PAPSS1: variants seen among roughly 807,000 people sequenced by gnomAD.
The protein encoded by PAPSS1 is 3'-phosphoadenosine 5'-phosphosulfate synthase 1.
PAPSS1 carries 50 observed loss-of-function variants against 72.0 expected under a neutral mutation model. That is an observed-to-expected ratio of 0.69 (90% CI 0.55 to 0.88). PAPSS1 has a LOEUF of 0.88. PAPSS1 is among the 40% of genes least tolerant of loss of function. PAPSS1 has a pLI of 0.00. For synonymous variants in PAPSS1, 261 were observed against 263.6 expected (o/e 0.99, Z 0.09); for missense variants, 657 against 782.2 (o/e 0.84, Z 1.91).
At chr4:107,614,541 A>G (rs1213585335) in intron 11 of PAPSS1, among the ~76,000 whole-genome samples, 154 bp from the exon 12 acceptor site, 1 of 100,772 alleles carries the variant, frequency 9.9e-6, no homozygotes, top group Non-Finnish European at 2.3e-5. Flanking sequence ...CAAATTTGTC[A>G]CTGAACAAAA....
At chr4:107,703,398 C>T (rs1723254857) in intron 1 of PAPSS1, among the ~76,000 whole-genome samples, 1 of 122,236 alleles carries the variant, frequency 8.2e-6, no homozygotes, top group African/African-American at 2.9e-5. Context: ...GTTGCTTGTA[C>T]TTTTGGAGTC....
intron 11 of PAPSS1, among the ~76,000 whole-genome samples, chr4:107,626,983 TG>T (rs977079135): frequency 3.9e-5 from 6 of 152,218 alleles, no homozygotes; most frequent in Non-Finnish European, 7.3e-5. Context: ...AATTCATCTT[TG>T]GAAAATCTTA....
chr4:107,719,918 G>A (rs1281144188), intron 1 of PAPSS1: 2 of 1,370,208 alleles, frequency 1.5e-6, no homozygotes, highest in South Asian at 1.7e-5. Flanking sequence ...GCCAAGCTAG[G>A]GCGAGATCCC....
At chr4:107,705,928 T>C (rs1350010614) in intron 1 of PAPSS1, among the ~76,000 whole-genome samples, 1 of 152,208 alleles carries the variant, frequency 6.6e-6, no homozygotes, top group African/African-American at 2.4e-5. Context: ...CATTGTTGAA[T>C]ACAGTATTCT....
At chr4:107,636,715 A>C (rs1273967373) in intron 10 of PAPSS1, among the ~76,000 whole-genome samples, 8 of 152,222 alleles carry the variant, frequency 5.3e-5, no homozygotes. Flanking sequence ...CAGGAGGACC[A>C]AATTCAAATA....
chr4:107,701,104 C>T (rs1319574719), intron 2 of PAPSS1, 67 bp downstream of exon 2: 31 of 919,466 alleles, frequency 3.4e-5, no homozygotes, highest in African/African-American at 4.9e-5. Flanking sequence ...AATATGCTTA[C>T]GCCTAGTCCA....
At chr4:107,626,303 A>G (rs1726096162) in intron 11 of PAPSS1, among the ~76,000 whole-genome samples, 1 of 152,216 alleles carries the variant, frequency 6.6e-6, no homozygotes, top group Non-Finnish European at 1.5e-5. Flanking sequence ...CATTTCCACA[A>G]GGCACTCTCA....
chr4:107,680,164 G>A (rs1727766174), intron 5 of PAPSS1, among the ~76,000 whole-genome samples: 2 of 151,922 alleles, frequency 1.3e-5, no homozygotes, highest in South Asian at 4.1e-4. Flanking sequence ...TAATGGCCAA[G>A]AATTTTCAAA....
intron 10 of PAPSS1, among the ~76,000 whole-genome samples, chr4:107,641,672 T>C (rs1170779791): frequency 2.6e-5 from 4 of 152,164 alleles, no homozygotes. Flanking sequence ...ATAAAATAGG[T>C]ACTTTCAATT....
chr4:107,658,151 G>A (rs1560574879), intron 6 of PAPSS1, among the ~76,000 whole-genome samples: 2 of 151,782 alleles, frequency 1.3e-5, no homozygotes, highest in Non-Finnish European at 2.9e-5. Flanking sequence ...GAAAATACTG[G>A]CTGAGGTCAC....
At chr4:107,638,276 A>G (rs896834542) in intron 10 of PAPSS1, among the ~76,000 whole-genome samples, 5 of 152,208 alleles carry the variant, frequency 3.3e-5, no homozygotes, top group Non-Finnish European at 5.9e-5. Flanking sequence ...AACATACCTT[A>G]CAAAAACTCT....
chr4:107,701,539 G>GA (rs1723205930), intron 1 of PAPSS1, among the ~76,000 whole-genome samples: 1 of 151,992 alleles, frequency 6.6e-6, no homozygotes, highest in Non-Finnish European at 1.5e-5. Flanking sequence ...TTTTAAATCT[G>GA]AAAAATGGTA....
intron 5 of PAPSS1, among the ~76,000 whole-genome samples, chr4:107,679,224 A>G (rs1279548340): frequency 6.6e-6 from 1 of 152,088 alleles, no homozygotes; most frequent in Non-Finnish European, 1.5e-5. Context: ...CCAAGTGATA[A>G]GCCACAGCAG....
At chr4:107,631,578 G>A (rs1726225008) in intron 11 of PAPSS1, 53 bp downstream of exon 11, 1 of 1,247,254 alleles carries the variant, frequency 8.0e-7, no homozygotes, top group Non-Finnish European at 1.2e-6. Flanking sequence ...ATCCCTGGGA[G>A]CAGCTAGACC....
At chr4:107,703,759 G>T (rs1723266983) in intron 1 of PAPSS1, among the ~76,000 whole-genome samples, 1 of 152,160 alleles carries the variant, frequency 6.6e-6, no homozygotes, top group South Asian at 2.1e-4. Flanking sequence ...TAGCTTCAGA[G>T]TGTGTTTTAA....
chr4:107,676,272 T>A (rs1222142253), intron 5 of PAPSS1, among the ~76,000 whole-genome samples: 1 of 152,184 alleles, frequency 6.6e-6, no homozygotes. Context: ...CATGATTGTA[T>A]ATCTAGAAAA....
intron 9 of PAPSS1, among the ~76,000 whole-genome samples, chr4:107,651,281 T>C (rs1726832630): frequency 6.6e-6 from 1 of 152,328 alleles, no homozygotes; most frequent in South Asian, 2.1e-4. Context: ...GGGTGGCCCA[T>C]CTGAGGCCTC....
intron 1 of PAPSS1, among the ~76,000 whole-genome samples, chr4:107,710,510 A>G (rs1447134934): frequency 3.5e-5 from 2 of 56,416 alleles, no homozygotes; most frequent in Non-Finnish European, 1.5e-4. Flanking sequence ...GTTCCAGCTC[A>G]TGCTGGGGTC....
intron 6 of PAPSS1, among the ~76,000 whole-genome samples, chr4:107,658,086 G>A (rs1026370001): frequency 1.3e-5 from 2 of 151,952 alleles, no homozygotes; most frequent in Admixed American, 1.3e-4. Flanking sequence ...AAATCTTGCT[G>A]GAAAGACACA....
Sources: allele counts gnomAD v4.1 joint callset (sites outside exome capture counted in the v4.1 genomes callset), GRCh38; gene constraint gnomAD v4.1.1; transcripts MANE v1.5; gene names NCBI Gene and HGNC (gene_info 2026-07-23, HGNC 2026-07-21).